Variants in PRTG observed in about 807,000 individuals in gnomAD.
PRTG encodes immunoglobulin superfamily, DCC subclass, member 5.
In PRTG, 67 loss-of-function variants were observed where a neutral mutation model predicts 122.5. That is an observed-to-expected ratio of 0.55 (90% CI 0.45 to 0.67). PRTG has a LOEUF of 0.67. PRTG is among the 30% of genes least tolerant of loss of function. PRTG has a pLI of 0.00. For synonymous variants in PRTG, 554 were observed against 501.1 expected (o/e 1.11, Z -1.41); for missense variants, 1,435 against 1,415.4 (o/e 1.01, Z -0.22).
intron 2 of PRTG, among the ~76,000 whole-genome samples, chr15:55,703,242 T>C (rs747923092): frequency 1.6e-4 from 25 of 152,244 alleles, no homozygotes; most frequent in Non-Finnish European, 3.1e-4. Context: ...CATGCATCTA[T>C]GCCACACTGA....
chr15:55,672,429 G>C lies in PRTG; in HGVS notation c.2041+16C>G. The C allele has an allele frequency of 6.2e-7, 1 of 1,602,954 alleles. No individual in the cohort carries two copies. Among genetic ancestry groups the C allele is most frequent in the Non-Finnish European group, 8.5e-7 (1 of 1,174,050 alleles). ...GAGGAAGGAAAAAGGGAAAAATACA[G>C]TACAAACTCACTCACCTAAGCCACT... On this transcript the variant is annotated intron_variant, in intron 11 of 19. Coordinates refer to ENST00000389286, the MANE Select transcript of PRTG (RefSeq NM_173814.6).
chr15:55,715,723 T>G (rs777006260), intron 2 of PRTG, among the ~76,000 whole-genome samples: 1 of 152,286 alleles, frequency 6.6e-6, no homozygotes, highest in African/African-American at 2.4e-5. Context: ...ATATACCACT[T>G]TTAAGATCCA....
Position 55,620,742 on chromosome 15 carries a change from C to G in PRTG, c.3119G>C (p.Ser1040Thr). The G allele has an allele frequency of 6.3e-7, 1 of 1,597,276 alleles. No homozygotes were observed. Among genetic ancestry groups the G allele is most frequent in the Non-Finnish European group, 8.5e-7 (1 of 1,175,906 alleles). The change falls in exon 19 of 20, where the codon AGC becomes ACC. Residue 1040 changes from serine (S) to threonine (T), a missense_variant. Transcript: ENST00000389286. Reference protein sequence around the residue: ...AKGGTDLIINSYGPIIKNNSK... With the variant: ...AKGGTDLIINTYGPIIKNNSK... ...GTTGTTTTTAATTATAGGACCATAG[C>G]TATTAATTATCAGGTCAGTTCCTCC...
In PRTG at chr15:55,733,127, T is replaced by G. The variant is rs1272155435; in HGVS notation, c.397+7255A>C. Among the ~76,000 whole-genome samples, 3 of 152,100 alleles carry G rather than the reference T, an allele frequency of 2.0e-5. No homozygotes were observed. The East Asian group carries it at 5.8e-4, about 29-fold the overall frequency. On this transcript the variant is annotated intron_variant, in intron 2 of 19. Transcript: ENST00000389286. ...AGGAGGCTGAGGCAGGAGAATCGCT[T>G]GAACCCGGGAGGCAGAGGTTGCAGT...
chr15:55,672,530 C>G lies in PRTG; in HGVS notation c.1956G>C (p.Lys652Asn), dbSNP rs1166757054. 6.2e-7 allele frequency: 1 copy of G among 1,614,138 alleles called. No homozygotes were observed. Among genetic ancestry groups the G allele is most frequent in the African/African-American group, 1.3e-5 (1 of 75,048 alleles). ...VEDTAAIQGY[K>N]LYYKEEGQQE... The stretch of plus-strand genomic sequence containing the variant: ...GCTGCCCTTCTTCCTTGTAGTACAG[C>G]TTGTAGCCCTGAATAGCAGCTGTGT... Residue 652 changes from lysine (K) to asparagine (N), a missense_variant, in exon 11 of 20, where the codon AAG (lysine) becomes AAC (asparagine). Physicochemically the swap from Lys to Asn is moderately conservative, Grantham distance 94. Coordinates refer to ENST00000389286, the MANE Select transcript of PRTG (RefSeq NM_173814.6).
chr15:55,640,053 A>C lies in PRTG; in HGVS notation c.2138-225T>G, dbSNP rs1382673481. 6 of 643,130 alleles carry C rather than the reference A, an allele frequency of 9.3e-6. No individual in the cohort carries two copies. In the African/African-American group the frequency reaches 1.2e-4, roughly 13 times the overall value. 39.8% of individuals were successfully genotyped at this position (643,130 alleles called of 1,614,324 possible). A position where few individuals can be genotyped will look rare whatever the true frequency, so the allele number is the denominator to read the frequency against. ...ATGCATCACTAAAGAACAGGCATAC[A>C]TTCTAAGAAATGTGTTAGGTTTTTC... On this transcript the variant is annotated intron_variant, in intron 12 of 19. Coordinates refer to ENST00000389286, the MANE Select transcript of PRTG (RefSeq NM_173814.6).
chr15:55,740,131 T>G (rs1461525525), intron 2 of PRTG, among the ~76,000 whole-genome samples: 1 of 152,272 alleles, frequency 6.6e-6, no homozygotes, highest in African/African-American at 2.4e-5. Flanking sequence ...AAAATTTTTA[T>G]AAAGCCACCT....
chr15:55,644,343 T>C (rs974873697), intron 11 of PRTG, among the ~76,000 whole-genome samples: 1 of 152,024 alleles, frequency 6.6e-6, no homozygotes, highest in Non-Finnish European at 1.5e-5. Flanking sequence ...TTGATGAGGG[T>C]TATGAGTGTA....
chr15:55,700,949 A>T (rs548726987), intron 2 of PRTG, among the ~76,000 whole-genome samples: 9 of 152,352 alleles, frequency 5.9e-5, no homozygotes, highest in African/African-American at 1.9e-4. Flanking sequence ...ACGATTCAAT[A>T]AAAAGTGGGC....
chr15:55,663,137 C>T (rs1190593061), intron 11 of PRTG, among the ~76,000 whole-genome samples: 3 of 152,184 alleles, frequency 2.0e-5, no homozygotes, highest in African/African-American at 7.2e-5. Context: ...TTACAGATAA[C>T]AGTTATCGAG....
At chr15:55,691,563 C>A (rs2059602279) in intron 2 of PRTG, among the ~76,000 whole-genome samples, 1 of 151,718 alleles carries the variant, frequency 6.6e-6, no homozygotes, top group African/African-American at 2.4e-5. Context: ...CGCCTGTAGT[C>A]CCAGCTACTC....
At chr15:55,687,212 G>A (rs942417154) in intron 2 of PRTG, among the ~76,000 whole-genome samples, 3 of 152,190 alleles carry the variant, frequency 2.0e-5, no homozygotes, top group Non-Finnish European at 2.9e-5. Flanking sequence ...ATACCAAGAC[G>A]GGGTGAGAAG....
In PRTG at chr15:55,624,419, T is replaced by C; in HGVS notation, c.3016A>G (p.Lys1006Glu). Residue 1006 changes from lysine (K) to glutamate (E), a missense_variant, in exon 18 of 20, where the codon AAG becomes GAG. Transcript: ENST00000389286. The stretch of plus-strand genomic sequence containing the variant: ...TTTCCTACAGCTCCTTCCAGGTTCT[T>C]TCCTACCTCATTTCCACTAGCTAAG... ...ASLASGNEVG[K>E]NLEGAVGNEE... is the part of the protein sequence containing the mutation. The C allele has an allele frequency of 6.2e-7, 1 of 1,614,032 alleles. No homozygotes were observed.
At position 55,680,471 on chromosome 15, in the gene PRTG, T is replaced by C; in HGVS notation, c.814+20A>G. On this transcript the variant is annotated intron_variant, in intron 5 of 19. Coordinates refer to ENST00000389286, the MANE Select transcript of PRTG (RefSeq NM_173814.6). ...AAATTTAAGGAAAAGACTTTTTTTTTTTTTCCTGAGAAGACTTACCAAGGC... is the reference window on the plus strand; with the variant it reads ...AAATTTAAGGAAAAGACTTTTTTTTCTTTTCCTGAGAAGACTTACCAAGGC... The C allele has an allele frequency of 6.4e-7, 1 of 1,553,390 alleles. No homozygotes were observed. Among genetic ancestry groups the C allele is most frequent in the Non-Finnish European group, 8.6e-7 (1 of 1,158,030 alleles).
chr15:55,728,198 A>G (rs1208937522), intron 2 of PRTG, among the ~76,000 whole-genome samples: 1 of 152,178 alleles, frequency 6.6e-6, no homozygotes, highest in African/African-American at 2.4e-5. Context: ...ATTAATACCA[A>G]TTCTTCTCAA....
At chr15:55,711,678 C>T (rs2030393641) in intron 2 of PRTG, among the ~76,000 whole-genome samples, 2 of 152,130 alleles carry the variant, frequency 1.3e-5, no homozygotes, top group Non-Finnish European at 2.9e-5. Context: ...CAACATTCTC[C>T]TTCACCAGCA....
intron 2 of PRTG, among the ~76,000 whole-genome samples, chr15:55,733,692 C>A (rs574565932): frequency 6.6e-6 from 1 of 151,650 alleles, no homozygotes; most frequent in East Asian, 1.9e-4. Context: ...CTGTGCATGG[C>A]GGCACGTGCC....
chr15:55,627,293 A>G (rs2059200232), intron 16 of PRTG, among the ~76,000 whole-genome samples, 165 bp from the exon 17 acceptor site: 2 of 150,672 alleles, frequency 1.3e-5, no homozygotes, highest in African/African-American at 4.9e-5. Flanking sequence ...TTAATCAGTG[A>G]TTTCAGAGAC....
At chr15:55,655,739 A>G (rs1173840554) in intron 11 of PRTG, 2 of 152,194 alleles carry the variant, frequency 1.3e-5, no homozygotes, top group African/African-American at 4.8e-5. Context: ...AACTTATAGT[A>G]TATACTGACT....
Sources: gnomAD v4.1 joint callset for allele counts (sites outside exome capture counted in the v4.1 genomes callset) on GRCh38, gnomAD v4.1.1 for gene constraint, MANE v1.5 for transcripts, NCBI Gene and HGNC (gene_info 2026-07-23, HGNC 2026-07-21) for gene names.